Variants in IQCM observed in about 807,000 individuals in gnomAD.
IQCM encodes IQ domain-containing protein M.
Under a neutral mutation model 57.6 loss-of-function variants are expected in IQCM, and 45 were observed. That is an observed-to-expected ratio of 0.78 (90% confidence interval 0.62 to 1.00). The LOEUF is 1.00. Among genes scored for constraint, IQCM ranks in the 50% least tolerant of loss-of-function variants. IQCM has a pLI of 0.00. For synonymous variants in IQCM, 148 were observed against 158.9 expected (o/e 0.93, Z 0.51); for missense variants, 468 against 511.6 (o/e 0.91, Z 0.82).
At chr4:149,765,182 G>T (rs1769923046) in intron 2 of IQCM, among the ~76,000 whole-genome samples, 1 of 152,086 alleles carries the variant, frequency 6.6e-6, no homozygotes, top group African/African-American at 2.4e-5. Flanking sequence ...ACTAGCTAAT[G>T]CTGGGATCAG....
At chr4:149,515,657 A>T (rs1366332272) in intron 12 of IQCM, among the ~76,000 whole-genome samples, 1 of 152,206 alleles carries the variant, frequency 6.6e-6, no homozygotes, top group African/African-American at 2.4e-5. Flanking sequence ...AGTGAAGGGA[A>T]ATCTTCCGAT....
chr4:149,747,559 T>C (rs1054454617), intron 2 of IQCM, among the ~76,000 whole-genome samples: 2 of 152,244 alleles, frequency 1.3e-5, no homozygotes, highest in Admixed American at 6.5e-5. Flanking sequence ...TTTCAATCCA[T>C]GTTTAGTTGA....
chr4:149,691,021 A>C (rs1282044395), intron 5 of IQCM: 1 of 152,178 alleles, frequency 6.6e-6, no homozygotes, highest in Admixed American at 6.5e-5. Flanking sequence ...GACACACTTT[A>C]TATAAAGACA....
At chr4:149,560,304 T>C (rs1749997495) in intron 10 of IQCM, among the ~76,000 whole-genome samples, 2 of 152,228 alleles carry the variant, frequency 1.3e-5, no homozygotes, top group Admixed American at 1.3e-4. Context: ...CTGTTCCAAA[T>C]TTATTGATTC....
At chr4:149,648,079 T>C (rs1758806601) in intron 7 of IQCM, among the ~76,000 whole-genome samples, 1 of 152,200 alleles carries the variant, frequency 6.6e-6, no homozygotes, top group African/African-American at 2.4e-5. Context: ...CAAATTTATG[T>C]TCCTTTTTAT....
chr4:149,748,871 G>A (rs778216810), intron 2 of IQCM: 2 of 152,066 alleles, frequency 1.3e-5, no homozygotes, highest in Non-Finnish European at 2.9e-5. Context: ...ACAATTATAA[G>A]CACAAATGTA....
intron 12 of IQCM, among the ~76,000 whole-genome samples, chr4:149,477,416 G>C (rs1740315020): frequency 6.6e-6 from 1 of 152,000 alleles, no homozygotes; most frequent in Admixed American, 6.6e-5. Flanking sequence ...ATTCCCCTCT[G>C]GTAAGAGGGA....
At chr4:149,559,092 T>C (rs1749870477) in intron 10 of IQCM, among the ~76,000 whole-genome samples, 1 of 152,090 alleles carries the variant, frequency 6.6e-6, no homozygotes, top group South Asian at 2.1e-4. Flanking sequence ...TCCACCCTCC[T>C]CCTTATCTCC....
intron 8 of IQCM, among the ~76,000 whole-genome samples, chr4:149,611,917 C>A (rs1755329320): frequency 2.0e-5 from 3 of 151,698 alleles, no homozygotes; most frequent in Non-Finnish European, 4.4e-5. Context: ...ATCATATGTA[C>A]CCCATGAAAA....
At chr4:149,458,081 G>T (rs576195721) in intron 12 of IQCM, among the ~76,000 whole-genome samples, 219 of 152,040 alleles carry the variant, frequency 1.4e-3, no homozygotes, top group Non-Finnish European at 2.5e-3. Context: ...AAAAAATTTA[G>T]CTTTGTAAGT....
At chr4:149,397,368 G>T (rs572354740) in intron 13 of IQCM, among the ~76,000 whole-genome samples, 2 of 152,006 alleles carry the variant, frequency 1.3e-5, no homozygotes, top group East Asian at 3.9e-4. Context: ...CACCCAAATC[G>T]AATCTCGAAT....
intron 13 of IQCM, among the ~76,000 whole-genome samples, chr4:149,402,863 T>A (rs547207818): frequency 5.3e-5 from 8 of 152,002 alleles, no homozygotes; most frequent in African/African-American, 1.9e-4. Flanking sequence ...TTTGGAGTAG[T>A]TCATTTCATT....
rs541629104 is a variant in IQCM, at chr4:149,778,678, A to G, written c.-48-35939T>C. ...AGAAATGAAATGGGTATCACTACAG[A>G]TTTGCAGACATCAAAAAAATAAGGA... On this transcript the variant is annotated intron_variant, in intron 2 of 13. Coordinates refer to ENST00000636793, the MANE Select transcript of IQCM (RefSeq NM_001363507.2). Among the ~76,000 whole-genome samples, 5 of 152,236 alleles carry G rather than the reference A, an allele frequency of 3.3e-5. No individual in the cohort carries two copies. In the South Asian group the frequency reaches 1.0e-3, roughly 32 times the overall value.
chr4:149,493,681 T>C (rs896791048), intron 12 of IQCM, among the ~76,000 whole-genome samples: 3 of 152,088 alleles, frequency 2.0e-5, no homozygotes, highest in African/African-American at 7.2e-5. Flanking sequence ...TTAGGTGACC[T>C]CTGCAGTCTG....
At chr4:149,449,353 T>C (rs1469530621) in intron 12 of IQCM, among the ~76,000 whole-genome samples, 2 of 146,498 alleles carry the variant, frequency 1.4e-5, no homozygotes, top group Non-Finnish European at 3.0e-5. Context: ...ATTATATGTA[T>C]ATATTATATA....
chr4:149,643,563 A>G (rs1229210232), intron 7 of IQCM, among the ~76,000 whole-genome samples: 3 of 152,130 alleles, frequency 2.0e-5, no homozygotes, highest in Non-Finnish European at 4.4e-5. Flanking sequence ...TAAAAATGAG[A>G]TCAGGCTCTG....
chr4:149,491,412 A>G (rs779405791), intron 12 of IQCM, among the ~76,000 whole-genome samples: 3 of 152,036 alleles, frequency 2.0e-5, no homozygotes, highest in Admixed American at 1.3e-4. Flanking sequence ...GTATCCTTTG[A>G]CCAACCCGCA....
intron 7 of IQCM, among the ~76,000 whole-genome samples, chr4:149,657,182 A>C (rs1759711303): frequency 6.6e-6 from 1 of 151,960 alleles, no homozygotes; most frequent in African/African-American, 2.4e-5. Context: ...CCGCCTACCC[A>C]ATTTCTAGTA....
chr4:149,558,680 A>G (rs1183499827), intron 10 of IQCM, among the ~76,000 whole-genome samples: 1 of 152,202 alleles, frequency 6.6e-6, no homozygotes, highest in East Asian at 1.9e-4. Flanking sequence ...AGAGACCTGA[A>G]TGAAGTAAAG....
Sources: gnomAD v4.1 joint callset for allele counts (sites outside exome capture counted in the v4.1 genomes callset) on GRCh38, gnomAD v4.1.1 for gene constraint, MANE v1.5 for transcripts, NCBI Gene and HGNC (gene_info 2026-07-23, HGNC 2026-07-21) for gene names.